The following ATP6V0A4 variants were observed in gnomAD, a reference collection of about 807,000 sequenced individuals.
The protein encoded by ATP6V0A4 is ATPase H+ transporting V0 subunit a4.
Under a neutral mutation model 107.3 loss-of-function variants are expected in ATP6V0A4, and 86 were observed. That is an observed-to-expected ratio of 0.80 (90% confidence interval 0.67 to 0.96). The LOEUF (loss-of-function observed/expected upper bound fraction) is 0.96. Ranked by LOEUF, ATP6V0A4 falls within the 40% of genes least tolerant of loss-of-function variation. ATP6V0A4 has a pLI of 0.00. For missense variants in ATP6V0A4, 908 were observed against 1,045.6 expected (o/e 0.87, Z 1.81); for synonymous variants, 353 against 381.4 (o/e 0.93, Z 0.87).
chr7:138,707,268 T>TATATAGAATATATATTATATA (rs1803470631), intron 21 of ATP6V0A4, among the ~76,000 whole-genome samples: 1 of 87,836 alleles, frequency 1.1e-5, no homozygotes, highest in African/African-American at 5.1e-5. Context: ...TATATTATAT[T>TATATAGAATATATATTATATA]ATATATTCTA....
intron 2 of ATP6V0A4, among the ~76,000 whole-genome samples, chr7:138,781,071 T>A (rs1445471110): frequency 3.3e-5 from 5 of 152,232 alleles, no homozygotes; most frequent in Non-Finnish European, 5.9e-5. Context: ...TATATTGTCA[T>A]CAGTGTAATA....
At chr7:138,743,060 G>A (rs533121767) in intron 14 of ATP6V0A4, among the ~76,000 whole-genome samples, 16 of 152,208 alleles carry the variant, frequency 1.1e-4, no homozygotes, top group East Asian at 1.9e-4. Flanking sequence ...AAGAGACTGC[G>A]TTAGAATCTC....
At chr7:138,761,478 CA>C (rs1806813293) in intron 7 of ATP6V0A4, among the ~76,000 whole-genome samples, 1 of 151,766 alleles carries the variant, frequency 6.6e-6, no homozygotes, top group Non-Finnish European at 1.5e-5. Context: ...ACCAAAAACA[CA>C]AAAAAATTAG....
chr7:138,781,831 G>GTC (rs372041818), intron 2 of ATP6V0A4, among the ~76,000 whole-genome samples: 4 of 98,128 alleles, frequency 4.1e-5, no homozygotes, highest in Non-Finnish European at 8.6e-5. Flanking sequence ...ATTTTTCTCT[G>GTC]TCTCTCTCTC....
chr7:138,740,956 A>C (rs1416698226), intron 14 of ATP6V0A4, among the ~76,000 whole-genome samples: 1 of 151,348 alleles, frequency 6.6e-6, no homozygotes, highest in East Asian at 2.0e-4. Context: ...CAGCCTGGCC[A>C]ACAATGGTGA....
intron 1 of ATP6V0A4, among the ~76,000 whole-genome samples, chr7:138,792,960 A>G (rs767837066): frequency 7.9e-5 from 12 of 152,100 alleles, no homozygotes; most frequent in Non-Finnish European, 1.5e-4. Context: ...AGCTACAGCA[A>G]TATCAGACAA....
At chr7:138,762,218 A>C in intron 7 of ATP6V0A4, 122 bp downstream of exon 7, 1 of 1,281,556 alleles carries the variant, frequency 7.8e-7, no homozygotes, top group Non-Finnish European at 1.1e-6. Flanking sequence ...CGCTTGGCAG[A>C]GGCTTTGCAT....
chr7:138,709,717 A>G lies in ATP6V0A4; in HGVS notation c.2336T>C (p.Phe779Ser). 6.2e-7 allele frequency: 1 copy of G among 1,613,868 alleles called. No individual in the cohort carries two copies. Among genetic ancestry groups the G allele is most frequent in the Non-Finnish European group, 8.5e-7 (1 of 1,179,930 alleles). The stretch of plus-strand genomic sequence containing the variant: ...GACAGCAAATACGGCAAAAATAATA[A>G]AAACCCCGACGATTCCTCCCCAGCC... ...TRGWGGIVGV[F>S]IIFAVFAVLT... The change falls in exon 21 of 22, where the codon TTT becomes TCT. Residue 779 changes from phenylalanine (F) to serine (S), a missense_variant. Transcript: ENST00000310018.
chr7:138,721,002 G>A (rs1804398150), intron 19 of ATP6V0A4, among the ~76,000 whole-genome samples: 1 of 152,166 alleles, frequency 6.6e-6, no homozygotes, highest in African/African-American at 2.4e-5. Flanking sequence ...AGCATCTGTG[G>A]CCCTCATGGA....
chr7:138,728,649 C>G, intron 18 of ATP6V0A4, 112 bp downstream of exon 18: 8 of 1,464,328 alleles, frequency 5.5e-6, no homozygotes, highest in Non-Finnish European at 6.7e-6. Flanking sequence ...TCCTCAACAC[C>G]ATTCTTCTGG....
chr7:138,716,421 A>C (rs1437810246), intron 19 of ATP6V0A4, among the ~76,000 whole-genome samples: 2 of 151,190 alleles, frequency 1.3e-5, no homozygotes, highest in Non-Finnish European at 2.9e-5. Flanking sequence ...TGGTAGCATC[A>C]TAGTTTAGAG....
intron 2 of ATP6V0A4, among the ~76,000 whole-genome samples, chr7:138,780,904 CA>C (rs562495910): frequency 3.9e-4 from 58 of 149,764 alleles, no homozygotes; most frequent in Middle Eastern, 3.4e-3. Flanking sequence ...GACTTTGCCT[CA>C]AAAAGAAAAA....
chr7:138,760,172 C>G (rs1293954291), intron 7 of ATP6V0A4, among the ~76,000 whole-genome samples: 1 of 151,970 alleles, frequency 6.6e-6, no homozygotes. Context: ...GGCCAGGCGC[C>G]GTGGCTCACA....
chr7:138,723,757 C>A (rs1804560134), intron 18 of ATP6V0A4, among the ~76,000 whole-genome samples: 1 of 151,706 alleles, frequency 6.6e-6, no homozygotes, highest in Non-Finnish European at 1.5e-5. Context: ...AACTCCTGAC[C>A]TCAGGTGATC....
chr7:138,792,767 T>TTTC (rs1808476462), intron 1 of ATP6V0A4, among the ~76,000 whole-genome samples: 1 of 69,346 alleles, frequency 1.4e-5, no homozygotes, highest in Admixed American at 1.5e-4. Flanking sequence ...CTCAGGTTTG[T>TTTC]TTTTTTTTTT....
chr7:138,734,377 G>A (rs1241076598), intron 15 of ATP6V0A4, 123 bp from the exon 16 acceptor site: 6 of 1,502,008 alleles, frequency 4.0e-6, no homozygotes, highest in Non-Finnish European at 2.7e-6. Context: ...TCATATTTCA[G>A]TCCAGCTCAA....
chr7:138,782,382 A>G (rs1807964543), intron 2 of ATP6V0A4, among the ~76,000 whole-genome samples: 1 of 152,220 alleles, frequency 6.6e-6, no homozygotes, highest in Non-Finnish European at 1.5e-5. Context: ...ACTCTGCTAT[A>G]AACTCATCTT....
At chr7:138,795,314 G>A (rs1269885387) in intron 1 of ATP6V0A4, among the ~76,000 whole-genome samples, 1 of 152,080 alleles carries the variant, frequency 6.6e-6, no homozygotes, top group African/African-American at 2.4e-5. Context: ...TGATAAAATA[G>A]GGAGGGAGGG....
intron 11 of ATP6V0A4, among the ~76,000 whole-genome samples, chr7:138,749,856 CCTT>C (rs1806138883): frequency 6.6e-6 from 1 of 152,136 alleles, no homozygotes; most frequent in African/African-American, 2.4e-5. Flanking sequence ...ATGGATTTGT[CCTT>C]CTCTGGTTTC....
Sources: allele counts gnomAD v4.1 joint callset (sites outside exome capture counted in the v4.1 genomes callset), GRCh38; gene constraint gnomAD v4.1.1; transcripts MANE v1.5; gene names NCBI Gene and HGNC (gene_info 2026-07-23, HGNC 2026-07-21).